Variants in SREK1 observed in about 807,000 individuals in gnomAD.
SREK1 encodes splicing regulatory glutamic acid and lysine rich protein 1.
SREK1 carries 13 observed loss-of-function variants against 66.5 expected under a neutral mutation model. The observed-to-expected ratio is 0.20, with a 90% CI of 0.13 to 0.31. The LOEUF is 0.31. SREK1 is among the 10% of genes least tolerant of loss of function. The probability of loss-of-function intolerance (pLI) is 1.00; values close to 1 mark genes in which losing one functional copy is unlikely to be tolerated. For synonymous variants in SREK1, 265 were observed against 263.5 expected (o/e 1.01, Z -0.05); for missense variants, 607 against 769.6 (o/e 0.79, Z 2.50).
At chr5:66,172,145 T>C (rs1244809664) in intron 9 of SREK1, among the ~76,000 whole-genome samples, 1 of 152,240 alleles carries the variant, frequency 6.6e-6, no homozygotes, top group Non-Finnish European at 1.5e-5. Context: ...CCTCCTTTGC[T>C]GTGGGTACTG....
chr5:66,154,429 T>TA (rs1744110308), intron 2 of SREK1, among the ~76,000 whole-genome samples: 1 of 152,218 alleles, frequency 6.6e-6, no homozygotes, highest in Non-Finnish European at 1.5e-5. Flanking sequence ...ATTGGGTTAT[T>TA]ATAAATTAAA....
chr5:66,155,386 A>T (rs2111979675), intron 2 of SREK1, among the ~76,000 whole-genome samples: 2 of 152,348 alleles, frequency 1.3e-5, no homozygotes, highest in Non-Finnish European at 2.9e-5. Flanking sequence ...GTTTTTCATT[A>T]GTTGTATTAA....
rs191344852 is a variant in SREK1 at position 66,175,694 on chromosome 5, A to G, written c.1580+653A>G. Among the ~76,000 whole-genome samples, 336 of 152,222 alleles carry G rather than the reference A, an allele frequency of 2.2e-3. 3 individuals are homozygous for G. The highest frequency in any genetic ancestry group is 7.3e-3 in the African/African-American group (302 of 41,548). ...TCTATAAGAGTTGGCAGCAGTTTGCACTCTTAATTATGAGAGAAGTGACCA... is the reference window on the plus strand; with the variant it reads ...TCTATAAGAGTTGGCAGCAGTTTGCGCTCTTAATTATGAGAGAAGTGACCA... On this transcript the variant is annotated intron_variant, in intron 10 of 11. Coordinates refer to ENST00000334121, the MANE Select transcript of SREK1 (RefSeq NM_001077199.3).
At chr5:66,145,180 A>C in intron 1 of SREK1, 7 of 985,254 alleles carry the variant, frequency 7.1e-6, no homozygotes, top group Non-Finnish European at 8.4e-6. Flanking sequence ...CTTTCAGAAA[A>C]AGTGTAAGTC....
chr5:66,175,904 G>T (rs568094279), intron 10 of SREK1, among the ~76,000 whole-genome samples: 2 of 151,958 alleles, frequency 1.3e-5, no homozygotes, highest in African/African-American at 4.8e-5. Flanking sequence ...TTAAAAAATT[G>T]TTTGTGAGAC....
At chr5:66,165,007 A>G in intron 7 of SREK1, 110 bp downstream of exon 7, 1 of 1,007,624 alleles carries the variant, frequency 9.9e-7, no homozygotes, top group South Asian at 1.8e-5. Context: ...TTAGTAGTGT[A>G]CACCTGAAGT....
intron 1 of SREK1, among the ~76,000 whole-genome samples, chr5:66,148,692 G>C (rs1743484890): frequency 7.6e-6 from 1 of 131,562 alleles, no homozygotes. Flanking sequence ...AAACTCCTGG[G>C]CTTAAGCAGT....
chr5:66,163,721 C>A, intron 5 of SREK1, 71 bp from the exon 6 acceptor site: 2 of 1,476,234 alleles, frequency 1.4e-6, no homozygotes, highest in East Asian at 2.4e-5. Flanking sequence ...ATATGTGTAT[C>A]ATATAAATGT....
intron 8 of SREK1, 68 bp downstream of exon 8, chr5:66,170,238 T>G: frequency 6.6e-7 from 1 of 1,503,954 alleles, no homozygotes; most frequent in South Asian, 1.4e-5. Context: ...AGGGATAATA[T>G]TTTAATTGGC....
chr5:66,168,029 C>T (rs955642370), intron 7 of SREK1: 1 of 151,504 alleles, frequency 6.6e-6, no homozygotes, highest in Non-Finnish European at 1.5e-5. Flanking sequence ...TATGAATTAT[C>T]TTCTTGTATT....
In SREK1 at chr5:66,164,809, G is replaced by A. The variant is rs768887292; in HGVS notation, c.913G>A (p.Gly305Ser). 5 of 1,613,954 alleles carry A rather than the reference G, an allele frequency of 3.1e-6. No homozygotes were observed. In the Admixed American group the frequency reaches 8.3e-5, roughly 27 times the overall value. The change falls in exon 7 of 12, where the codon GGC becomes AGC. Residue 305 changes from glycine (G) to serine (S), a missense_variant. This residue lies in a region of SREK1 where 112 missense variants were observed against 168.6 expected (regional missense o/e 0.66). Transcript: ENST00000334121. ...PESGKSNERK[G>S]GRSRSHTRSK... The stretch of plus-strand genomic sequence containing the variant: ...GTCTGGAAAGAGCAATGAAAGAAAA[G>A]GCGGTCGATCTCGTTCCCATACTCG...
Position 66,175,054 on chromosome 5 carries a change from C to T in SREK1, c.1580+13C>T, listed in dbSNP as rs754704718. The T allele has an allele frequency of 6.2e-7, 1 of 1,601,768 alleles. No homozygotes were observed. Among genetic ancestry groups the T allele is most frequent in the Non-Finnish European group, 8.5e-7 (1 of 1,172,726 alleles). On this transcript the variant is annotated intron_variant, in intron 10 of 11. Coordinates refer to ENST00000334121, the MANE Select transcript of SREK1 (RefSeq NM_001077199.3). ...CGTCCCCCAGGAGGTAGGTTGGGAG[C>T]TTGTGCTAAAACTAAACAGGAGAAA...
chr5:66,157,174 A>G (rs1744357158), intron 2 of SREK1: 1 of 961,564 alleles, frequency 1.0e-6, no homozygotes, highest in Non-Finnish European at 1.2e-6. Context: ...TTATACATTT[A>G]TAGTAGTATA....
chr5:66,144,319 C>T lies in SREK1; in HGVS notation c.-58C>T. Reference sequence around the variant, plus strand: ...CCGCGCGTTCTCCGCTTTCCCGGCTCCGTCGCTGACGCGTCGTAGACGTTG... The same window carrying T: ...CCGCGCGTTCTCCGCTTTCCCGGCTTCGTCGCTGACGCGTCGTAGACGTTG... On this transcript the variant is annotated 5_prime_UTR_variant, in exon 1 of 12. Transcript: ENST00000334121. 1.5e-6 allele frequency: 2 copies of T among 1,371,236 alleles called. No homozygotes were observed. Among genetic ancestry groups the T allele is most frequent in the South Asian group, 1.3e-5 (1 of 74,228 alleles). The allele number at this position is 1,371,236 out of a possible 1,614,324, so 84.9% of individuals were successfully genotyped here.
chr5:66,171,003 A>C lies in SREK1; in HGVS notation c.1484+56A>C, dbSNP rs537128192. On this transcript the variant is annotated intron_variant, in intron 9 of 11. Transcript: ENST00000334121. ...GATTTGCTGATGACAATTGGAAACA[A>C]AATTTTTTACGGAGGGAGAAAAGGT... The C allele has an allele frequency of 1.9e-6, 3 of 1,542,812 alleles. No individual in the cohort carries two copies. The South Asian group carries it at 3.9e-5, about 20-fold the overall frequency.
Position 66,177,604 on chromosome 5 carries a change from T to C in SREK1, c.1671T>C (p.Ser557=). The C allele has an allele frequency of 4.3e-6, 7 of 1,609,790 alleles. No homozygotes were observed. The highest frequency in any genetic ancestry group is 5.9e-6 in the Non-Finnish European group (7 of 1,177,960). ...AACGTTCAACGTCTATGAGAAAGAG[T>C]TCTAATGATAGAGATGGGAAGGAGA... The part of the protein sequence containing the change: ...ERERSTSMRK[S]SNDRDGKEKL... The change falls in exon 11 of 12, where the codon AGT becomes AGC. Residue 557 remains serine, a synonymous_variant. Coordinates refer to ENST00000334121, the MANE Select transcript of SREK1 (RefSeq NM_001077199.3).
At chr5:66,146,891 C>A (rs1332414647) in intron 1 of SREK1, among the ~76,000 whole-genome samples, 1 of 151,800 alleles carries the variant, frequency 6.6e-6, no homozygotes, top group Non-Finnish European at 1.5e-5. Flanking sequence ...ATTGGAAATA[C>A]ATTAATAGAA....
intron 9 of SREK1, among the ~76,000 whole-genome samples, chr5:66,172,081 CAG>C (rs1745687891): frequency 6.6e-6 from 1 of 152,172 alleles, no homozygotes; most frequent in African/African-American, 2.4e-5. Flanking sequence ...TCAAAATAAA[CAG>C]ATCACTGCTG....
At chr5:66,157,025 A>AAG (rs1396698307) in intron 2 of SREK1, 1 of 984,986 alleles carries the variant, frequency 1.0e-6, no homozygotes, top group Non-Finnish European at 1.2e-6. Context: ...ATTTGGTAGA[A>AAG]TTCTATCTTG....
Sources: allele counts gnomAD v4.1 joint callset (sites outside exome capture counted in the v4.1 genomes callset), GRCh38; gene constraint gnomAD v4.1.1; regional missense constraint gnomAD v4.1.1; transcripts MANE v1.5; gene names NCBI Gene and HGNC (gene_info 2026-07-23, HGNC 2026-07-21).